The following TMPRSS4 variants were observed in gnomAD, a reference collection of about 807,000 sequenced individuals.
The protein encoded by TMPRSS4 is transmembrane serine protease 4.
In TMPRSS4, 45 loss-of-function variants were observed where a neutral mutation model predicts 56.4. That is an observed-to-expected ratio of 0.80 (90% CI 0.63 to 1.02). The LOEUF (loss-of-function observed/expected upper bound fraction) is 1.02. TMPRSS4 is among the 50% of genes least tolerant of loss of function. The pLI, the probability that TMPRSS4 is intolerant of heterozygous loss-of-function variation, is 0.00. For synonymous variants in TMPRSS4, 205 were observed against 211.0 expected (o/e 0.97, Z 0.25); for missense variants, 546 against 556.7 (o/e 0.98, Z 0.19).
chr11:118,091,726 C>T (rs1945978892), intron 1 of TMPRSS4, among the ~76,000 whole-genome samples: 1 of 152,154 alleles, frequency 6.6e-6, no homozygotes, highest in African/African-American at 2.4e-5. Context: ...GGTTGGCAGA[C>T]AATTGATATC....
At chr11:118,099,515 C>T (rs1034553644) in intron 3 of TMPRSS4, among the ~76,000 whole-genome samples, 2 of 142,872 alleles carry the variant, frequency 1.4e-5, no homozygotes, top group African/African-American at 5.1e-5. Context: ...TGTATCCACC[C>T]CCTGCTTTGA....
rs755413248 is a variant in TMPRSS4, at chr11:118,117,455, G to A, written c.1302+1G>A. The A allele has an allele frequency of 1.2e-6, 2 of 1,611,780 alleles. No homozygotes were observed. The highest frequency in any genetic ancestry group is 3.3e-5 in the Admixed American group (2 of 59,884). On this transcript the variant is annotated splice_donor_variant, in intron 12 of 12. Coordinates refer to ENST00000437212, the MANE Select transcript of TMPRSS4 (RefSeq NM_019894.4). LOFTEE classifies it high-confidence loss of function. Reference sequence around the variant, plus strand: ...CAACTGGATCTACAATGTCTGGAAGGTAAGGTACCTTTGCCCTACCCACTG... The same window carrying A: ...CAACTGGATCTACAATGTCTGGAAGATAAGGTACCTTTGCCCTACCCACTG...
At chr11:118,092,875 T>C (rs562858448) in intron 1 of TMPRSS4, among the ~76,000 whole-genome samples, 60 of 152,282 alleles carry the variant, frequency 3.9e-4, no homozygotes, top group African/African-American at 1.3e-3. Context: ...GGAAAGAGAG[T>C]TCCCATGTGA....
chr11:118,106,315 T>C (rs1295781432), intron 5 of TMPRSS4: 3 of 152,198 alleles, frequency 2.0e-5, no homozygotes, highest in Admixed American at 6.5e-5. Context: ...TGGGATGGAA[T>C]TGGTGAACAG....
chr11:118,114,191 C>G (rs1048890040), intron 9 of TMPRSS4, among the ~76,000 whole-genome samples: 1 of 152,110 alleles, frequency 6.6e-6, no homozygotes, highest in Non-Finnish European at 1.5e-5. Context: ...CTGGTGTGAC[C>G]CCTTTCAGAG....
chr11:118,115,192 G>A lies in TMPRSS4; in HGVS notation c.1064G>A (p.Arg355Gln), dbSNP rs776035909. ...TCAGTCCAGGTCATTGACAGCACACGGTGCAATGCAGACGATGCGTACCAG... is the reference window on the plus strand; with the variant it reads ...TCAGTCCAGGTCATTGACAGCACACAGTGCAATGCAGACGATGCGTACCAG... Reference protein sequence around the residue: ...QASVQVIDSTRCNADDAYQGE... With the variant: ...QASVQVIDSTQCNADDAYQGE... The change falls in exon 11 of 13, where the codon CGG (arginine) becomes CAG (glutamine). Residue 355 changes from arginine (R) to glutamine (Q), a missense_variant. By Grantham distance (43) the Arg-to-Gln change is conservative (BLOSUM62 1). Transcript: ENST00000437212. The A allele has an allele frequency of 5.0e-6, 8 of 1,612,678 alleles. No homozygotes were observed. The African/African-American group carries it at 6.7e-5, about 13-fold the overall frequency.
At chr11:118,116,920 A>G (rs1261990680) in intron 11 of TMPRSS4, among the ~76,000 whole-genome samples, 2 of 152,036 alleles carry the variant, frequency 1.3e-5, no homozygotes, top group Non-Finnish European at 2.9e-5. Flanking sequence ...CATGTTGGCC[A>G]GGCTGGTCTT....
intron 1 of TMPRSS4, among the ~76,000 whole-genome samples, chr11:118,083,739 T>A (rs2135243095): frequency 6.6e-6 from 1 of 152,298 alleles, no homozygotes; most frequent in South Asian, 2.1e-4. Flanking sequence ...ATTGTTGTTG[T>A]TATTATTATT....
chr11:118,096,152 A>G (rs1224349716), intron 2 of TMPRSS4, among the ~76,000 whole-genome samples: 2 of 152,228 alleles, frequency 1.3e-5, no homozygotes, highest in Non-Finnish European at 2.9e-5. Context: ...TGGCCACAGG[A>G]AAGAGGACAA....
intron 1 of TMPRSS4, among the ~76,000 whole-genome samples, chr11:118,081,672 C>T (rs671160): frequency 0.076 from 11,508 of 152,300 alleles, 539 homozygotes; most frequent in Middle Eastern, 0.11. Flanking sequence ...TCTGGCTGGG[C>T]GTCGCCCGCT....
At chr11:118,124,111 G>T (rs1372380135), downstream of TMPRSS4, among the ~76,000 whole-genome samples, 1 of 152,098 alleles carries the variant, frequency 6.6e-6, no homozygotes, top group African/African-American at 2.4e-5. Flanking sequence ...GAGGGGCCAG[G>T]CATGGTGGCT....
chr11:118,122,731 T>C (rs1376442379), downstream of TMPRSS4, among the ~76,000 whole-genome samples: 1 of 152,224 alleles, frequency 6.6e-6, no homozygotes, highest in Non-Finnish European at 1.5e-5. Context: ...TGGCAATTTC[T>C]AATGAAATCA....
At position 118,107,708 on chromosome 11, in the gene TMPRSS4, A is replaced by G. The variant is rs183258740; in HGVS notation, c.441-66A>G. The G allele has an allele frequency of 2.6e-5, 36 of 1,408,346 alleles. No individual in the cohort carries two copies. The East Asian group carries it at 3.1e-4, about 12-fold the overall frequency. The allele number at this position is 1,408,346 out of a possible 1,614,324, so 87.2% of individuals were successfully genotyped here. A position where few individuals can be genotyped will look rare whatever the true frequency, so the allele number is the denominator to read the frequency against. ...CTCTTTCTCCTGAAAGTGGGGGCCAACTCTACCATCTTGTTCTAACCCCCT... is the reference window on the plus strand; with the variant it reads ...CTCTTTCTCCTGAAAGTGGGGGCCAGCTCTACCATCTTGTTCTAACCCCCT... On this transcript the variant is annotated intron_variant, in intron 5 of 12. Transcript: ENST00000437212.
At chr11:118,102,167 C>T (rs1253961475) in intron 3 of TMPRSS4, among the ~76,000 whole-genome samples, 1 of 152,116 alleles carries the variant, frequency 6.6e-6, no homozygotes, top group Non-Finnish European at 1.5e-5. Context: ...TCCCGCCTCC[C>T]CCCGACAGGC....
At chr11:118,112,956 A>T (rs1947354347) in intron 8 of TMPRSS4, among the ~76,000 whole-genome samples, 1 of 151,898 alleles carries the variant, frequency 6.6e-6, no homozygotes, top group Non-Finnish European at 1.5e-5. Context: ...CATGAGTAAC[A>T]CAGTGAGAAA....
intron 1 of TMPRSS4, among the ~76,000 whole-genome samples, chr11:118,078,595 G>C (rs993827359): frequency 7.9e-5 from 12 of 152,204 alleles, no homozygotes; most frequent in Admixed American, 7.9e-4. Context: ...TGTGTGCAGA[G>C]ACGCTGTATC....
At chr11:118,117,179 A>T in intron 11 of TMPRSS4, 126 bp from the exon 12 acceptor site, 1 of 931,122 alleles carries the variant, frequency 1.1e-6, no homozygotes, top group Non-Finnish European at 1.7e-6. Flanking sequence ...AAAGAGGGTG[A>T]GGGTGGAATA....
chr11:118,080,495 T>C (rs1367831507), intron 1 of TMPRSS4, among the ~76,000 whole-genome samples: 1 of 152,190 alleles, frequency 6.6e-6, no homozygotes, highest in Admixed American at 6.5e-5. Flanking sequence ...GGTCAAGCTC[T>C]GTGCCTGGGT....
chr11:118,079,454 G>A (rs942441018), intron 1 of TMPRSS4, among the ~76,000 whole-genome samples: 1 of 152,182 alleles, frequency 6.6e-6, no homozygotes, highest in Non-Finnish European at 1.5e-5. Flanking sequence ...CTCAGGCCCA[G>A]GCAGAGGTCA....
Sources: gnomAD v4.1 joint callset for allele counts (sites outside exome capture counted in the v4.1 genomes callset) on GRCh38, gnomAD v4.1.1 for gene constraint, MANE v1.5 for transcripts, NCBI Gene and HGNC (gene_info 2026-07-23, HGNC 2026-07-21) for gene names.